The following DIAPH2 variants were observed in gnomAD, a reference collection of about 807,000 sequenced individuals.
DIAPH2 encodes the protein protein diaphanous homolog 2.
A neutral mutation model predicts 92.7 loss-of-function variants in DIAPH2; 35 were observed. The ratio of observed to expected loss-of-function variants is 0.38; its 90% confidence interval spans 0.29 to 0.50. The LOEUF (loss-of-function observed/expected upper bound fraction) is 0.50, where lower values mean the gene tolerates loss of function less well. Ranked by LOEUF, DIAPH2 falls within the 20% of genes least tolerant of loss-of-function variation. DIAPH2 has a pLI of 0.94. For missense variants in DIAPH2, 701 were observed against 819.5 expected, an observed-to-expected ratio of 0.86 and a Z score of 1.77; for synonymous variants, 301 against 280.4, an observed-to-expected ratio of 1.07 and a Z score of -0.73.
chrX:97,446,260 AT>A (rs914231893), intron 26 of DIAPH2, among the ~76,000 whole-genome samples: 3 of 112,450 alleles, frequency 2.7e-5, no homozygotes, highest in African/African-American at 9.7e-5. Flanking sequence ...AAAGGAAAAA[AT>A]ATCTTTTCAT....
intron 22 of DIAPH2, among the ~76,000 whole-genome samples, chrX:97,181,021 G>T (rs1347933740): frequency 9.0e-6 from 1 of 111,503 alleles, no homozygotes; most frequent in Non-Finnish European, 1.9e-5. Context: ...ATTTAAAGTA[G>T]TTTTTTCTAA....
At chrX:97,120,311 C>T (rs1431479050) in intron 21 of DIAPH2, among the ~76,000 whole-genome samples, 2 of 110,655 alleles carry the variant, frequency 1.8e-5, no homozygotes, top group Non-Finnish European at 1.9e-5. Flanking sequence ...ACTAGACCTT[C>T]GGTTTCCCCA....
chrX:96,973,929 A>G (rs2065944614), intron 17 of DIAPH2, among the ~76,000 whole-genome samples: 1 of 111,160 alleles, frequency 9.0e-6, no homozygotes, highest in South Asian at 3.8e-4. Flanking sequence ...TCCCGACCTC[A>G]GGTGATCCGC....
chrX:97,076,473 A>C (rs1184242879), intron 19 of DIAPH2, among the ~76,000 whole-genome samples: 1 of 111,245 alleles, frequency 9.0e-6, no homozygotes, highest in Non-Finnish European at 1.9e-5. Flanking sequence ...TGGAGAATGC[A>C]CTCAGCCGAG....
chrX:97,096,062 A>T (rs2066866945), intron 19 of DIAPH2, among the ~76,000 whole-genome samples: 1 of 112,002 alleles, frequency 8.9e-6, no homozygotes, highest in South Asian at 3.8e-4. Flanking sequence ...GACGGCGGAG[A>T]AATTGAAGGG....
chrX:96,912,737 G>A (rs987452260), intron 7 of DIAPH2, among the ~76,000 whole-genome samples, 185 bp downstream of exon 7: 7 of 109,786 alleles, frequency 6.4e-5, no homozygotes, highest in Non-Finnish European at 1.3e-4. Flanking sequence ...TAATAAACCC[G>A]GCATGCATTA....
At chrX:97,562,178 A>T (rs1294289237) in intron 26 of DIAPH2, among the ~76,000 whole-genome samples, 1 of 110,838 alleles carries the variant, frequency 9.0e-6, no homozygotes, top group African/African-American at 3.3e-5. Context: ...CTCATTTTGC[A>T]GGTGAGGAGA....
intron 17 of DIAPH2, among the ~76,000 whole-genome samples, chrX:96,996,450 A>T: frequency 8.9e-6 from 1 of 111,822 alleles, no homozygotes; most frequent in Middle Eastern, 4.7e-3. Flanking sequence ...TGATGCATTT[A>T]AACTCTTTAT....
rs762302359 is a variant in DIAPH2 at position 96,884,614 on chromosome X, A to G, written c.587+2896A>G. Reference sequence around the variant, plus strand: ...AATTGATGATATGACCGCGAAACCAATCGAGGCCCGACAGTGGTTTGGTAG... The same window carrying G: ...AATTGATGATATGACCGCGAAACCAGTCGAGGCCCGACAGTGGTTTGGTAG... On this transcript the variant is annotated intron_variant, in intron 5 of 26. Transcript: ENST00000324765. 24 of 1,207,514 alleles carry G rather than the reference A, an allele frequency of 2.0e-5. No homozygotes were observed. Among genetic ancestry groups the G allele is most frequent in the East Asian group, 1.8e-4 (6 of 33,666 alleles).
At chrX:97,037,209 G>C (rs1602736823) in intron 17 of DIAPH2, among the ~76,000 whole-genome samples, 1 of 111,053 alleles carries the variant, frequency 9.0e-6, no homozygotes, top group Non-Finnish European at 1.9e-5. Context: ...ATTTAGCTAG[G>C]CAATAAGATG....
At chrX:96,971,875 A>G (rs1209407494) in intron 17 of DIAPH2, among the ~76,000 whole-genome samples, 1 of 111,760 alleles carries the variant, frequency 8.9e-6, no homozygotes, top group Non-Finnish European at 1.9e-5. Context: ...AATTTTAATG[A>G]TACTAAACTG....
rs1248074204 is a variant in DIAPH2 at position 97,599,584 on chromosome X, CTG to C, written c.*270_*271del. On this transcript the variant is annotated 3_prime_UTR_variant, in exon 27 of 27. Transcript: ENST00000324765. ...TCATTTGTAATTGTGTGTGACCTGA[CTG>C]TGATGATGGAAGTGTAAGAAATTGA... The C allele has an allele frequency of 6.4e-6, 1 of 155,679 alleles. No individual in the cohort carries two copies. Among genetic ancestry groups the C allele is most frequent in the African/African-American group, 3.1e-5 (1 of 31,851 alleles). The allele number at this position is 155,679 out of a possible 1,213,427, so 12.8% of individuals were successfully genotyped here.
chrX:97,046,167 G>GT (rs777250205), intron 17 of DIAPH2, among the ~76,000 whole-genome samples: 1,179 of 101,152 alleles, frequency 0.012, 11 homozygotes, highest in Non-Finnish European at 0.016. Flanking sequence ...TATTTTATGT[G>GT]GTTTTTTTTT....
At chrX:96,898,735 A>C (rs2065367621) in intron 5 of DIAPH2, among the ~76,000 whole-genome samples, 1 of 105,289 alleles carries the variant, frequency 9.5e-6, no homozygotes, top group African/African-American at 3.4e-5. Flanking sequence ...GTTTAATTAG[A>C]TCCCATTTGT....
At chrX:97,507,997 G>A (rs1019416483) in intron 26 of DIAPH2, among the ~76,000 whole-genome samples, 1 of 111,113 alleles carries the variant, frequency 9.0e-6, no homozygotes, top group African/African-American at 3.3e-5. Flanking sequence ...TAACCCATGA[G>A]TGTCAAAGTT....
intron 25 of DIAPH2, among the ~76,000 whole-genome samples, chrX:97,388,438 A>G (rs1454146379): frequency 5.4e-5 from 6 of 111,723 alleles, no homozygotes; most frequent in Non-Finnish European, 9.4e-5. Flanking sequence ...TGCAGCCTCA[A>G]ACTCCTAGGC....
At chrX:96,935,302 G>A (rs1201811176) in intron 10 of DIAPH2, among the ~76,000 whole-genome samples, 2 of 110,719 alleles carry the variant, frequency 1.8e-5, no homozygotes, top group Non-Finnish European at 3.8e-5. Flanking sequence ...ATATTTCAAG[G>A]CTTGACATTT....
chrX:97,145,768 A>C (rs899040338), intron 22 of DIAPH2, among the ~76,000 whole-genome samples: 2 of 110,525 alleles, frequency 1.8e-5, no homozygotes, highest in African/African-American at 6.6e-5. Flanking sequence ...CTCAACTCAA[A>C]AAGATCTTAC....
intron 17 of DIAPH2, among the ~76,000 whole-genome samples, chrX:97,020,037 T>TA (rs1007272158): frequency 2.7e-5 from 3 of 112,208 alleles, no homozygotes; most frequent in African/African-American, 9.7e-5. Flanking sequence ...TCAACTGGAT[T>TA]AAAAAAAATC....
Sources: gnomAD v4.1 joint callset for allele counts (sites outside exome capture counted in the v4.1 genomes callset) on GRCh38, gnomAD v4.1.1 for gene constraint, MANE v1.5 for transcripts, NCBI Gene and HGNC (gene_info 2026-07-23, HGNC 2026-07-21) for gene names.